PREX2: variants seen among roughly 807,000 people sequenced by gnomAD.
PREX2 encodes the protein phosphatidylinositol-3,4,5-trisphosphate dependent Rac exchange factor 2.
A neutral mutation model predicts 203.2 loss-of-function variants in PREX2; 107 were observed. The ratio of observed to expected loss-of-function variants is 0.53; its 90% CI spans 0.45 to 0.62. The LOEUF (loss-of-function observed/expected upper bound fraction) is 0.62, where lower values mean the gene tolerates loss of function less well. Among genes scored for constraint, PREX2 ranks in the 20% least tolerant of loss-of-function variants. PREX2 has a pLI of 0.00. For missense variants in PREX2, 1,777 were observed against 1,955.9 expected (o/e 0.91, Z 1.72); for synonymous variants, 672 against 663.6 (o/e 1.01, Z -0.19).
chr8:68,012,845 C>T (rs973416316), intron 1 of PREX2, among the ~76,000 whole-genome samples: 1 of 152,186 alleles, frequency 6.6e-6, no homozygotes, highest in African/African-American at 2.4e-5. Context: ...ACCGGACAGT[C>T]CTTCACTACA....
chr8:68,099,095 C>T (rs969661528), intron 22 of PREX2, among the ~76,000 whole-genome samples: 1 of 151,478 alleles, frequency 6.6e-6, no homozygotes, highest in Admixed American at 6.6e-5. Context: ...TAATTGAAAA[C>T]ATCACATAAA....
intron 33 of PREX2, among the ~76,000 whole-genome samples, chr8:68,143,948 T>C (rs895510340): frequency 6.6e-6 from 1 of 152,194 alleles, no homozygotes; most frequent in Non-Finnish European, 1.5e-5. Context: ...AAAAGACTTA[T>C]CTTTGCTCCA....
intron 23 of PREX2, among the ~76,000 whole-genome samples, chr8:68,106,711 G>A (rs1810420661): frequency 3.9e-5 from 6 of 151,964 alleles, no homozygotes; most frequent in Non-Finnish European, 8.8e-5. Flanking sequence ...ATTTAATCTA[G>A]AAAAGTTAGA....
chr8:68,103,014 C>T (rs753979602), intron 23 of PREX2: 4 of 495,830 alleles, frequency 8.1e-6, no homozygotes, highest in South Asian at 5.9e-5. Context: ...ATTTGTTCTT[C>T]TGCTTTAGAA....
At chr8:67,962,025 A>G (rs1294646349) in intron 1 of PREX2, among the ~76,000 whole-genome samples, 2 of 152,246 alleles carry the variant, frequency 1.3e-5, no homozygotes, top group African/African-American at 4.8e-5. Context: ...CAGTGAAAAT[A>G]TCACAATATA....
intron 17 of PREX2, chr8:68,082,545 A>T (rs1401501066): frequency 6.6e-6 from 1 of 152,242 alleles, no homozygotes; most frequent in Non-Finnish European, 1.5e-5. Flanking sequence ...GCATTTTCAG[A>T]GGATGGTCTT....
chr8:68,072,893 T>G (rs1346707909), intron 14 of PREX2, among the ~76,000 whole-genome samples: 1 of 152,182 alleles, frequency 6.6e-6, no homozygotes, highest in Non-Finnish European at 1.5e-5. Context: ...TTTTACACTT[T>G]GTTTTAAAGT....
In PREX2 at chr8:68,108,133, G is replaced by T. The variant is rs769267089; in HGVS notation, c.2740G>T (p.Ala914Ser). 19 of 1,613,372 alleles carry T rather than the reference G, an allele frequency of 1.2e-5. No homozygotes were observed. In the East Asian group the frequency reaches 3.8e-4, roughly 32 times the overall value. ...KKFSRVLKNR[A>S]WPTFKQAKSK... ...GTTTTCTCGTGTACTGAAGAATAGG[G>T]CCTGGCCTACTTTTAAACAGGCCAA... is the stretch of plus-strand genomic sequence containing the variant. The change falls in exon 24 of 40, where the codon GCC becomes TCC. Residue 914 changes from alanine to serine, a missense_variant. Ala to Ser is a moderately conservative substitution (Grantham distance 99, BLOSUM62 1). Transcript: ENST00000288368.
chr8:68,203,600 C>T (rs530279276), intron 37 of PREX2, among the ~76,000 whole-genome samples: 1 of 152,196 alleles, frequency 6.6e-6, no homozygotes, highest in Admixed American at 6.5e-5. Flanking sequence ...AGCAGGTATT[C>T]CAGGAGCAGG....
rs3812458 is a variant in PREX2, at chr8:68,097,033, C to T, written c.2385C>T (p.Phe795=). 0.26 allele frequency: 423,584 copies of T among 1,610,826 alleles called. 56,344 individuals are homozygous for T. The highest frequency in any genetic ancestry group is 0.32 in the South Asian group (29,210 of 90,888). Reference sequence around the variant, plus strand: ...TTGTTCCAGAGGTTATTGACAAATTCAACACTATGGCCATCATTGATGGGA... The same window carrying T: ...TTGTTCCAGAGGTTATTGACAAATTTAACACTATGGCCATCATTGATGGGA... ...DCKVEEVIDK[F]NTMAIIDGKK... is the part of the protein sequence containing the mutation. Residue 795 remains phenylalanine (F), a synonymous_variant, in exon 22 of 40, where the codon TTC becomes TTT. Coordinates refer to ENST00000288368, the MANE Select transcript of PREX2 (RefSeq NM_024870.4).
At chr8:68,120,147 A>G (rs771895352) in intron 28 of PREX2, 49 bp from the exon 29 acceptor site, 6 of 1,211,582 alleles carry the variant, frequency 5.0e-6, no homozygotes, top group Admixed American at 1.8e-5. Flanking sequence ...AGAAATACGT[A>G]TCATGTACTA....
At chr8:67,969,890 T>C (rs973201552) in intron 1 of PREX2, among the ~76,000 whole-genome samples, 2 of 152,214 alleles carry the variant, frequency 1.3e-5, no homozygotes, top group African/African-American at 4.8e-5. Flanking sequence ...AATGTGTTGC[T>C]ACAAACAAAA....
chr8:68,097,293 A>G (rs981560064), intron 22 of PREX2, 92 bp downstream of exon 22: 6 of 1,025,394 alleles, frequency 5.9e-6, no homozygotes, highest in Admixed American at 5.8e-5. Flanking sequence ...AAAAATAGCT[A>G]TACATGTTGC....
intron 17 of PREX2, 148 bp downstream of exon 17, chr8:68,080,986 GTTCTACTGA>G: frequency 1.6e-6 from 1 of 634,468 alleles, no homozygotes. Flanking sequence ...TTACTCACAG[GTTCTACTGA>G]ATACCTTTGG....
At chr8:68,118,228 G>A (rs972296668) in intron 26 of PREX2, among the ~76,000 whole-genome samples, 7 of 151,906 alleles carry the variant, frequency 4.6e-5, no homozygotes, top group South Asian at 4.2e-4. Context: ...GGTGGCGGGC[G>A]CCTGTAGTCC....
chr8:68,104,753 G>A (rs1192542509), intron 23 of PREX2, among the ~76,000 whole-genome samples: 2 of 152,126 alleles, frequency 1.3e-5, no homozygotes, highest in Admixed American at 1.3e-4. Flanking sequence ...GTTTACTGAT[G>A]TTCCCCAACA....
chr8:68,000,183 T>G (rs1421986054), intron 1 of PREX2, among the ~76,000 whole-genome samples: 1 of 152,218 alleles, frequency 6.6e-6, no homozygotes, highest in Non-Finnish European at 1.5e-5. Context: ...GACATGATCC[T>G]ATATCTATAA....
At chr8:67,963,656 GA>G (rs1363147994) in intron 1 of PREX2, among the ~76,000 whole-genome samples, 6 of 151,598 alleles carry the variant, frequency 4.0e-5, no homozygotes, top group Non-Finnish European at 7.4e-5. Flanking sequence ...TTTTCCTTTA[GA>G]AAAAGAATAG....
rs139026699 is a variant in PREX2 at position 68,205,290 on chromosome 8, CTGTT to C, written c.4605-12322_4605-12319del. On this transcript the variant is annotated intron_variant, in intron 37 of 39. Coordinates refer to ENST00000288368, the MANE Select transcript of PREX2 (RefSeq NM_024870.4). ...AGAACTTGTTGCTGAAACAAATAGT[CTGTT>C]TGTCCTTTTTTTCTCCACATAAAAG... Among the ~76,000 whole-genome samples, 1,046 of 152,214 alleles carry C rather than the reference CTGTT, an allele frequency of 6.9e-3. 11 individuals are homozygous for C. Among genetic ancestry groups the C allele is most frequent in the Middle Eastern group, 0.02 (6 of 294 alleles).
Sources: allele counts gnomAD v4.1 joint callset (sites outside exome capture counted in the v4.1 genomes callset), GRCh38; gene constraint gnomAD v4.1.1; transcripts MANE v1.5; gene names NCBI Gene and HGNC (gene_info 2026-07-23, HGNC 2026-07-21).